HDHD5: variants seen among roughly 807,000 people sequenced by gnomAD.
HDHD5 encodes haloacid dehalogenase-like hydrolase domain-containing 5.
Under a neutral mutation model 35.5 loss-of-function variants are expected in HDHD5, and 34 were observed. The observed-to-expected ratio is 0.96, with a 90% CI of 0.73 to 1.28. HDHD5 has a LOEUF of 1.28. Among genes scored for constraint, HDHD5 ranks in the 50% most tolerant of loss-of-function variants. The probability of loss-of-function intolerance (pLI) is 0.00; values close to 1 mark genes in which losing one functional copy is unlikely to be tolerated. For synonymous variants in HDHD5, 248 were observed against 240.6 expected, an observed-to-expected ratio of 1.03 and a Z score of -0.29; for missense variants, 589 against 560.2, an observed-to-expected ratio of 1.05 and a Z score of -0.52.
chr22:17,157,285 T>C (rs1407029504), intron 1 of HDHD5, among the ~76,000 whole-genome samples: 1 of 151,100 alleles, frequency 6.6e-6, no homozygotes, highest in East Asian at 1.9e-4. Context: ...TTTTTTTTTT[T>C]TGATAAGAGT....
chr22:17,141,420 G>A, intron 5 of HDHD5, 187 bp from the exon 6 acceptor site: 1 of 1,365,770 alleles, frequency 7.3e-7, no homozygotes, highest in Non-Finnish European at 9.4e-7. Context: ...ACAAGGCCCA[G>A]GGCCCAGGAA....
chr22:17,150,522 C>CT (rs3053235), intron 1 of HDHD5, among the ~76,000 whole-genome samples: 31,127 of 141,790 alleles, frequency 0.22, 3,771 homozygotes, highest in Middle Eastern at 0.34. Flanking sequence ...TCTTGGCTGT[C>CT]TTTTTTTTTT....
chr22:17,151,662 A>G (rs4819969), intron 1 of HDHD5, among the ~76,000 whole-genome samples: 132,295 of 150,524 alleles, frequency 0.88, 58,290 homozygotes, highest in African/African-American at 0.93. Flanking sequence ...CCTGGGAGGC[A>G]GAGGATGCAG....
Position 17,159,174 on chromosome 22 carries a change from C to A in HDHD5, c.78G>T (p.Gly26=), listed in dbSNP as rs1420118122. The change falls in exon 1 of 8, where the codon GGG becomes GGT. Residue 26 remains glycine (G), a synonymous_variant. Transcript: ENST00000336737. Reference sequence around the variant, plus strand: ...ACCTGCGGGCGGGGCGGCCCTGGAGCCCCGCAGCCGCGCGCGCCGCCCGCC... The same window carrying A: ...ACCTGCGGGCGGGGCGGCCCTGGAGACCCGCAGCCGCGCGCGCCGCCCGCC... ...LCWRAARAAA[G]LQGRPARRCY... is the part of the protein sequence containing the mutation. The A allele has an allele frequency of 2.4e-5, 29 of 1,219,216 alleles. No individual in the cohort carries two copies. The highest frequency in any genetic ancestry group is 2.8e-5 in the Non-Finnish European group (27 of 979,498). 75.5% of individuals were successfully genotyped at this position (1,219,216 alleles called of 1,614,324 possible).
intron 5 of HDHD5, chr22:17,141,644 G>C (rs1279144941): frequency 1.9e-6 from 2 of 1,027,832 alleles, no homozygotes; most frequent in South Asian, 3.7e-5. Flanking sequence ...GCCAGGACAG[G>C]GGGTGTGGAG....
rs1601411291 is a variant in HDHD5 at position 17,164,715 on chromosome 22, A to G, written c.36+494T>C. 3.3e-5 allele frequency among the ~76,000 whole-genome samples: 5 copies of G among 152,368 alleles called. No individual in the cohort carries two copies. The East Asian group carries it at 9.6e-4, about 29-fold the overall frequency. On this transcript the variant is annotated intron_variant, in intron 1 of 7. Transcript: ENST00000155674. ...TTGGCCAAAACTTAACCACATGGTCATGCCTAGCAGCAAAGAAGGCTAGAA... is the reference window on the plus strand; with the variant it reads ...TTGGCCAAAACTTAACCACATGGTCGTGCCTAGCAGCAAAGAAGGCTAGAA...
rs778946849 is a variant in HDHD5, at chr22:17,159,162, G to T, written c.90C>A (p.Arg30=). The T allele has an allele frequency of 3.2e-5, 39 of 1,221,244 alleles. No individual in the cohort carries two copies. The highest frequency in any genetic ancestry group is 3.2e-5 in the Non-Finnish European group (31 of 980,284). 75.7% of individuals were successfully genotyped at this position (1,221,244 alleles called of 1,614,324 possible). Residue 30 remains arginine, a synonymous_variant, in exon 1 of 8, where the codon CGC becomes CGA. Transcript: ENST00000336737. ...CCACAGCATAGCACCTGCGGGCGGGGCGGCCCTGGAGCCCCGCAGCCGCGC... is the reference window on the plus strand; with the variant it reads ...CCACAGCATAGCACCTGCGGGCGGGTCGGCCCTGGAGCCCCGCAGCCGCGC... ...AARAAAGLQG[R]PARRCYAVGP...
chr22:17,143,225 A>G, intron 4 of HDHD5, 94 bp from the exon 5 acceptor site: 1 of 1,372,904 alleles, frequency 7.3e-7, no homozygotes. Context: ...AGGGGAGGGG[A>G]GACACACTCC....
At chr22:17,162,085 T>A (rs1404757816), upstream of HDHD5, among the ~76,000 whole-genome samples, 1 of 152,106 alleles carries the variant, frequency 6.6e-6, no homozygotes, top group African/African-American at 2.4e-5. Flanking sequence ...ATAGTAGAGT[T>A]GTCATGTGGT....
chr22:17,142,556 C>T (rs2061611377), intron 5 of HDHD5: 1 of 152,348 alleles, frequency 6.6e-6, no homozygotes, highest in Admixed American at 6.5e-5. Flanking sequence ...CACACATCAG[C>T]CTGCATTTGT....
At chr22:17,149,837 G>A (rs2061706840) in intron 1 of HDHD5, 92 bp from the exon 2 acceptor site, 1 of 1,106,242 alleles carries the variant, frequency 9.0e-7, no homozygotes. Context: ...GGTCACTCAT[G>A]TCCCTTGAAA....
At chr22:17,141,491 C>T (rs1233820697) in intron 5 of HDHD5, 17 of 1,313,436 alleles carry the variant, frequency 1.3e-5, no homozygotes, top group Non-Finnish European at 1.6e-5. Flanking sequence ...GAAGAGGTTA[C>T]AAAACAAAAG....
chr22:17,159,527 T>C (rs1265514989), upstream of HDHD5: 56 of 459,106 alleles, frequency 1.2e-4, no homozygotes, highest in Non-Finnish European at 2.1e-4. Context: ...GCGTCCGTAC[T>C]ATCGCCCTGT....
intron 6 of HDHD5, among the ~76,000 whole-genome samples, chr22:17,140,147 C>T (rs967508944): frequency 6.6e-5 from 10 of 152,242 alleles, no homozygotes; most frequent in Non-Finnish European, 1.2e-4. Context: ...GCCGTGCCCA[C>T]CCTCTGCTGA....
chr22:17,138,411 A>C, intron 7 of HDHD5, 54 bp from the exon 8 acceptor site: 1 of 1,573,866 alleles, frequency 6.4e-7, no homozygotes, highest in East Asian at 2.2e-5. Flanking sequence ...CCCTAAATCA[A>C]TGTTGCAAAG....
intron 3 of HDHD5, among the ~76,000 whole-genome samples, chr22:17,145,925 T>G (rs1486983675): frequency 2.0e-5 from 3 of 152,092 alleles, no homozygotes; most frequent in African/African-American, 4.8e-5. Context: ...AGCTTCAGCC[T>G]ATCTCCTCTA....
At chr22:17,147,945 G>A (rs2061684028) in intron 3 of HDHD5, among the ~76,000 whole-genome samples, 1 of 152,196 alleles carries the variant, frequency 6.6e-6, no homozygotes, top group Admixed American at 6.5e-5. Context: ...GCGGCAGACC[G>A]CTGGTACACA....
Position 17,155,712 on chromosome 22 carries a change from T to C in HDHD5, c.126+3414A>G, listed in dbSNP as rs567533715. On this transcript the variant is annotated intron_variant, in intron 1 of 7. Transcript: ENST00000336737. ...ACCAGGCACCCAGTACCATAAAAAG[T>C]GAAGGTGTACATCAATTATAACAAA... Among the ~76,000 whole-genome samples the C allele has an allele frequency of 3.3e-5, 5 of 152,130 alleles. No individual in the cohort carries two copies. In the South Asian group the frequency reaches 1.0e-3, roughly 32 times the overall value.
chr22:17,159,298 C>CCCCGG, upstream of HDHD5: 1 of 1,224,432 alleles, frequency 8.2e-7, no homozygotes. Context: ...CCCCCCCCCC[C>CCCCGG]GCGAGTCCGT....
Sources: gnomAD v4.1 joint callset for allele counts (sites outside exome capture counted in the v4.1 genomes callset) on GRCh38, gnomAD v4.1.1 for gene constraint, MANE v1.5 for transcripts, NCBI Gene and HGNC (gene_info 2026-07-23, HGNC 2026-07-21) for gene names.